The following HSD17B4 variants were observed in gnomAD, a reference collection of about 807,000 sequenced individuals.
The protein encoded by HSD17B4 is hydroxysteroid 17-beta dehydrogenase 4.
In HSD17B4, 70 loss-of-function variants were observed where a neutral mutation model predicts 101.0. The observed-to-expected ratio is 0.69, with a 90% CI of 0.57 to 0.85. The LOEUF (loss-of-function observed/expected upper bound fraction) is 0.85, where lower values mean the gene tolerates loss of function less well. Among genes scored for constraint, HSD17B4 ranks in the 40% least tolerant of loss-of-function variants. HSD17B4 has a pLI of 0.00. For synonymous variants in HSD17B4, 347 were observed against 297.1 expected (o/e 1.17, Z -1.73); for missense variants, 984 against 892.4 (o/e 1.10, Z -1.31).
intron 22 of HSD17B4, among the ~76,000 whole-genome samples, chr5:119,533,013 A>G (rs1434927285): frequency 6.6e-6 from 1 of 152,118 alleles, no homozygotes; most frequent in African/African-American, 2.4e-5. Context: ...GGCCTTTTGT[A>G]ATATGGAATA....
intron 4 of HSD17B4, among the ~76,000 whole-genome samples, chr5:119,474,937 G>T (rs1748430297): frequency 3.3e-5 from 5 of 151,770 alleles, no homozygotes; most frequent in Admixed American, 3.3e-4. Context: ...TATTTCTGTA[G>T]CTAATCTTCC....
chr5:119,453,691 T>C (rs1001560872), intron 1 of HSD17B4, among the ~76,000 whole-genome samples: 1 of 152,272 alleles, frequency 6.6e-6, no homozygotes, highest in Non-Finnish European at 1.5e-5. Flanking sequence ...TGGCTTCTTA[T>C]GCTGCCTTTC....
Position 119,518,024 on chromosome 5 carries a change from C to G in HSD17B4, c.1503+2978C>G, listed in dbSNP as rs538757562. Among the ~76,000 whole-genome samples, 6 of 152,264 alleles carry G rather than the reference C, an allele frequency of 3.9e-5. No individual in the cohort carries two copies. In the East Asian group the frequency reaches 1.2e-3, roughly 29 times the overall value. The stretch of plus-strand genomic sequence containing the variant: ...CCCTGTCAAAACAGACCACTCAGCT[C>G]TACCAATCAGCAGGACGTGGGTGGG... On this transcript the variant is annotated intron_variant, in intron 17 of 23. Coordinates refer to ENST00000510025, the MANE Select transcript of HSD17B4 (RefSeq NM_000414.4).
Position 119,456,213 on chromosome 5 carries a change from A to AT in HSD17B4, c.59-100dup, listed in dbSNP as rs1414035982. ...AGGTTGAGAGTATCATTAAAATGTA[A>AT]TTAATTGTTCACCAATTTCTTTAAA... On this transcript the variant is annotated intron_variant, in intron 1 of 23. Coordinates refer to ENST00000510025, the MANE Select transcript of HSD17B4 (RefSeq NM_000414.4). 7.7e-6 allele frequency: 6 copies of AT among 778,770 alleles called. No homozygotes were observed. In the Admixed American group the frequency reaches 8.9e-5, roughly 12 times the overall value. 48.2% of individuals were successfully genotyped at this position (778,770 alleles called of 1,614,324 possible).
intron 9 of HSD17B4, among the ~76,000 whole-genome samples, chr5:119,491,118 T>C (rs1297428195): frequency 6.6e-6 from 1 of 152,190 alleles, no homozygotes; most frequent in Non-Finnish European, 1.5e-5. Context: ...TTGGCTCAGC[T>C]GGAGCAATTG....
Position 119,515,037 on chromosome 5 carries a change from T to A in HSD17B4, c.1494T>A (p.Ser498=). ...PPDAVLTDTT[S]LNQAALYRLS... ...ATGCTGTACTTACAGATACCACCTCTCTTAATCAGGTAAGATTGTATTTTT... is the reference window on the plus strand; with the variant it reads ...ATGCTGTACTTACAGATACCACCTCACTTAATCAGGTAAGATTGTATTTTT... The change falls in exon 17 of 24, where the codon TCT becomes TCA. Residue 498 remains serine (S), a synonymous_variant. Transcript: ENST00000510025. 3 of 1,571,690 alleles carry A rather than the reference T, an allele frequency of 1.9e-6. No individual in the cohort carries two copies. The highest frequency in any genetic ancestry group is 2.6e-6 in the Non-Finnish European group (3 of 1,141,470).
intron 11 of HSD17B4, among the ~76,000 whole-genome samples, chr5:119,494,319 T>C (rs1006043196): frequency 6.7e-6 from 1 of 148,500 alleles, no homozygotes; most frequent in Admixed American, 6.8e-5. Context: ...TTCCTTTCTT[T>C]CTTTCTTTTC....
intron 23 of HSD17B4, among the ~76,000 whole-genome samples, chr5:119,536,904 A>C (rs1420893712): frequency 6.6e-6 from 1 of 152,162 alleles, no homozygotes; most frequent in Non-Finnish European, 1.5e-5. Flanking sequence ...TTTTAACCTA[A>C]TAGCCCATGT....
chr5:119,456,306 T>G lies in HSD17B4; in HGVS notation c.59-9T>G, dbSNP rs776721440. 6.2e-6 allele frequency: 10 copies of G among 1,603,920 alleles called. No individual in the cohort carries two copies. In the African/African-American group the frequency reaches 1.2e-4, roughly 19 times the overall value. ...TCTTCAACTTTCTGATTATTTTGTT[T>G]TTGATTAGGATTGGGCCGAGCCTAT... is the stretch of plus-strand genomic sequence containing the variant. On this transcript the variant is annotated splice_polypyrimidine_tract_variant and intron_variant, in intron 1 of 23. Coordinates refer to ENST00000510025, the MANE Select transcript of HSD17B4 (RefSeq NM_000414.4).
chr5:119,465,366 A>T (rs771908740), intron 2 of HSD17B4, among the ~76,000 whole-genome samples: 41 of 152,296 alleles, frequency 2.7e-4, no homozygotes, highest in Non-Finnish European at 4.4e-4. Context: ...GTGATAAGTG[A>T]GTTCTTACTC....
intron 2 of HSD17B4, among the ~76,000 whole-genome samples, chr5:119,461,963 A>G (rs1755286253): frequency 6.6e-6 from 1 of 152,226 alleles, no homozygotes; most frequent in Non-Finnish European, 1.5e-5. Flanking sequence ...AATGCTTTTT[A>G]GGAAAAATCT....
chr5:119,509,880 C>G (rs1242314604), intron 16 of HSD17B4, among the ~76,000 whole-genome samples: 1 of 152,154 alleles, frequency 6.6e-6, no homozygotes, highest in African/African-American at 2.4e-5. Flanking sequence ...TATAATAACA[C>G]AAAATATGTA....
intron 9 of HSD17B4, among the ~76,000 whole-genome samples, chr5:119,489,665 G>C (rs1325039833): frequency 6.6e-6 from 1 of 152,036 alleles, no homozygotes; most frequent in Non-Finnish European, 1.5e-5. Context: ...TTAGTTTTCT[G>C]GGGCTTTCTT....
intron 2 of HSD17B4, 46 bp from the exon 3 acceptor site, chr5:119,473,862 A>G: frequency 1.8e-6 from 2 of 1,114,282 alleles, no homozygotes; most frequent in Non-Finnish European, 2.8e-6. Flanking sequence ...ACACATTTTG[A>G]AAGTCTAGAA....
intron 17 of HSD17B4, among the ~76,000 whole-genome samples, chr5:119,516,343 CCT>C (rs1752609766): frequency 6.6e-6 from 1 of 152,004 alleles, no homozygotes. Context: ...CCAAGAAATG[CCT>C]CTTTATTATA....
chr5:119,475,198 G>C (rs748144285), intron 4 of HSD17B4, among the ~76,000 whole-genome samples: 33 of 152,098 alleles, frequency 2.2e-4, no homozygotes, highest in Non-Finnish European at 4.1e-4. Flanking sequence ...GGTGAAAATA[G>C]CCACAAGAGG....
chr5:119,519,839 G>C (rs998923590), intron 17 of HSD17B4, among the ~76,000 whole-genome samples: 1 of 152,002 alleles, frequency 6.6e-6, no homozygotes, highest in Non-Finnish European at 1.5e-5. Context: ...TTATAATTCT[G>C]CTTCTACTAA....
chr5:119,483,429 A>G (rs1053195489), intron 8 of HSD17B4, among the ~76,000 whole-genome samples: 5 of 152,254 alleles, frequency 3.3e-5, no homozygotes, highest in African/African-American at 9.6e-5. Flanking sequence ...TGGAAGTAAC[A>G]ACTTCCAAGC....
In HSD17B4 at chr5:119,542,237, A is replaced by G; in HGVS notation, c.*243A>G. The stretch of plus-strand genomic sequence containing the variant: ...CTGTTCTTAGATCTGTATCTTCATA[A>G]TAAAAAATTTTGCCCAAGTCCTGTT... On this transcript the variant is annotated 3_prime_UTR_variant, in exon 24 of 24. Transcript: ENST00000510025. 3.3e-6 allele frequency: 1 copy of G among 305,042 alleles called. No individual in the cohort carries two copies. Among genetic ancestry groups the G allele is most frequent in the South Asian group, 4.6e-5 (1 of 21,808 alleles). 18.9% of individuals were successfully genotyped at this position (305,042 alleles called of 1,614,324 possible).
Sources: allele counts gnomAD v4.1 joint callset (sites outside exome capture counted in the v4.1 genomes callset), GRCh38; gene constraint gnomAD v4.1.1; transcripts MANE v1.5; gene names NCBI Gene and HGNC (gene_info 2026-07-23, HGNC 2026-07-21).